CTIF: variants seen among roughly 807,000 people sequenced by gnomAD.
CTIF encodes cap binding complex dependent translation initiation factor.
Under a neutral mutation model 66.0 loss-of-function variants are expected in CTIF, and 21 were observed. That is an observed-to-expected ratio of 0.32 (90% CI 0.23 to 0.46). The LOEUF is 0.46. CTIF is among the 20% of genes least tolerant of loss of function. CTIF has a pLI of 1.00. For missense variants in CTIF, 739 were observed against 812.7 expected (o/e 0.91, Z 1.10); for synonymous variants, 345 against 326.4 (o/e 1.06, Z -0.62).
intron 6 of CTIF, among the ~76,000 whole-genome samples, chr18:48,689,768 G>GT (rs1486315510): frequency 2.6e-5 from 4 of 152,212 alleles, no homozygotes; most frequent in African/African-American, 7.2e-5. Flanking sequence ...GAGGGGCTAA[G>GT]TGCAAAGGTG....
intron 7 of CTIF, among the ~76,000 whole-genome samples, chr18:48,750,769 C>G (rs1355555035): frequency 6.6e-6 from 1 of 152,244 alleles, no homozygotes; most frequent in African/African-American, 2.4e-5. Flanking sequence ...GCCTTTGCTT[C>G]TGCACCACAC....
chr18:48,583,703 G>T (rs1239716495), intron 1 of CTIF, among the ~76,000 whole-genome samples: 1 of 152,208 alleles, frequency 6.6e-6, no homozygotes, highest in East Asian at 1.9e-4. Flanking sequence ...ATGAGGGCTT[G>T]TAGGAGGTGC....
chr18:48,541,069 C>T (rs964303432), intron 1 of CTIF, among the ~76,000 whole-genome samples: 6 of 152,180 alleles, frequency 3.9e-5, no homozygotes, highest in Non-Finnish European at 8.8e-5. Flanking sequence ...CCCCAGTCCA[C>T]GCTGGGGTGA....
chr18:48,653,927 A>C (rs928232837), intron 3 of CTIF, among the ~76,000 whole-genome samples: 1 of 152,242 alleles, frequency 6.6e-6, no homozygotes, highest in Non-Finnish European at 1.5e-5. Context: ...AGCCATATGG[A>C]GAAAGCTGAA....
At chr18:48,750,766 C>G (rs1368354148) in intron 7 of CTIF, among the ~76,000 whole-genome samples, 2 of 152,364 alleles carry the variant, frequency 1.3e-5, no homozygotes, top group Admixed American at 1.3e-4. Context: ...TCCGCCTTTG[C>G]TTCTGCACCA....
intron 9 of CTIF, among the ~76,000 whole-genome samples, chr18:48,816,007 T>C (rs1032827688): frequency 6.6e-6 from 1 of 152,174 alleles, no homozygotes; most frequent in Non-Finnish European, 1.5e-5. Flanking sequence ...TGGTCAGCTA[T>C]TGAGGCTGAA....
In CTIF at chr18:48,539,036, CCTA is replaced by C. The variant is rs1302439476; in HGVS notation, c.-303_-301del. On this transcript the variant is annotated 5_prime_UTR_variant, in exon 1 of 12. Transcript: ENST00000256413. ...GAGGGCGGGGCCTGAACGTCACTCT[CCTA>C]CATTCTCTTTCCCTGTGTCAGATCA... 6.6e-6 allele frequency: 1 copy of C among 152,366 alleles called. No individual in the cohort carries two copies. Among genetic ancestry groups the C allele is most frequent in the Admixed American group, 6.5e-5 (1 of 15,284 alleles). The allele number at this position is 152,366 out of a possible 1,614,324, so 9.4% of individuals were successfully genotyped here.
chr18:48,847,568 A>T (rs1188636980), intron 10 of CTIF, among the ~76,000 whole-genome samples: 16 of 152,210 alleles, frequency 1.1e-4, no homozygotes, highest in African/African-American at 3.9e-4. Flanking sequence ...GGTAAAAGGA[A>T]TGGTGCATAC....
chr18:48,585,590 A>G (rs537093572), intron 1 of CTIF, among the ~76,000 whole-genome samples: 1 of 152,268 alleles, frequency 6.6e-6, no homozygotes, highest in South Asian at 2.1e-4. Flanking sequence ...TCCCCTGGAG[A>G]CTTGGCAGGT....
At chr18:48,782,541 C>A (rs547302847) in intron 9 of CTIF, among the ~76,000 whole-genome samples, 1 of 152,300 alleles carries the variant, frequency 6.6e-6, no homozygotes, top group East Asian at 1.9e-4. Flanking sequence ...CTATTTAAAG[C>A]GTGCAGCGCC....
chr18:48,569,474 AAAAC>A (rs1315163556), intron 1 of CTIF, among the ~76,000 whole-genome samples: 2 of 152,124 alleles, frequency 1.3e-5, no homozygotes, highest in Non-Finnish European at 1.5e-5. Flanking sequence ...AAAAAACAAA[AAAAC>A]AAAAAAAAAA....
In CTIF at chr18:48,797,354, G is replaced by A. The variant is rs143441094; in HGVS notation, c.1372-19867G>A. ...AAAAATTAGCTGGGGGTGGTGGTGC[G>A]TGCCTGTAATGCCAGCTCCTTGGGA... On this transcript the variant is annotated intron_variant, in intron 9 of 11. Coordinates refer to ENST00000256413, the MANE Select transcript of CTIF (RefSeq NM_014772.3). 5.3e-3 allele frequency among the ~76,000 whole-genome samples: 806 copies of A among 152,136 alleles called. 12 individuals are homozygous for A. The highest frequency in any genetic ancestry group is 0.018 in the African/African-American group (746 of 41,476).
chr18:48,840,964 T>G (rs2068926913), intron 10 of CTIF, among the ~76,000 whole-genome samples: 1 of 147,914 alleles, frequency 6.8e-6, no homozygotes, highest in Non-Finnish European at 1.5e-5. Flanking sequence ...GCCAAGATTA[T>G]CATGCAAAAA....
At chr18:48,540,741 G>T (rs2088590839) in intron 1 of CTIF, among the ~76,000 whole-genome samples, 2 of 152,084 alleles carry the variant, frequency 1.3e-5, no homozygotes, top group African/African-American at 4.8e-5. Context: ...TGTGGGGGGC[G>T]GGGACCGCAG....
intron 9 of CTIF, among the ~76,000 whole-genome samples, chr18:48,774,399 G>A (rs1414696610): frequency 6.6e-6 from 1 of 152,054 alleles, no homozygotes; most frequent in Non-Finnish European, 1.5e-5. Context: ...CTCCCACCTA[G>A]AGCTCAGGTT....
chr18:48,824,922 G>A (rs547421121), intron 10 of CTIF, among the ~76,000 whole-genome samples: 203 of 152,260 alleles, frequency 1.3e-3, no homozygotes, highest in African/African-American at 4.0e-3. Flanking sequence ...GATTACAGGC[G>A]TGAGCCACTG....
At chr18:48,711,778 C>A in intron 7 of CTIF, 83 bp downstream of exon 7, 1 of 1,219,894 alleles carries the variant, frequency 8.2e-7, no homozygotes, top group Non-Finnish European at 1.2e-6. Flanking sequence ...GCCTGCATTT[C>A]GCTTTTCCCA....
chr18:48,717,399 T>TAAAA (rs1412117678), intron 7 of CTIF, among the ~76,000 whole-genome samples: 2 of 138,842 alleles, frequency 1.4e-5, no homozygotes, highest in Non-Finnish European at 3.1e-5. Flanking sequence ...AATCTGTCTT[T>TAAAA]AAAAAATAAA....
chr18:48,784,742 CA>C (rs961149891), intron 9 of CTIF, among the ~76,000 whole-genome samples: 1 of 150,482 alleles, frequency 6.6e-6, no homozygotes, highest in African/African-American at 2.4e-5. Context: ...GAGTGGTCAG[CA>C]AAAAGAGAGA....
Sources: allele counts gnomAD v4.1 joint callset (sites outside exome capture counted in the v4.1 genomes callset), GRCh38; gene constraint gnomAD v4.1.1; transcripts MANE v1.5; gene names NCBI Gene and HGNC (gene_info 2026-07-23, HGNC 2026-07-21).